ECT2L: variants seen among roughly 807,000 people sequenced by gnomAD.
ECT2L encodes epithelial cell transforming 2 like.
ECT2L carries 126 observed loss-of-function variants against 122.8 expected under a neutral mutation model. The observed-to-expected ratio is 1.03, with a 90% CI of 0.89 to 1.19. The LOEUF (loss-of-function observed/expected upper bound fraction) is 1.19. Among genes scored for constraint, ECT2L ranks in the 50% most tolerant of loss-of-function variants. The probability of loss-of-function intolerance (pLI) is 0.00; values close to 1 mark genes in which losing one functional copy is unlikely to be tolerated. For missense variants in ECT2L, 1,012 were observed against 1,064.1 expected, an observed-to-expected ratio of 0.95 and a Z score of 0.68; for synonymous variants, 385 against 381.8, an observed-to-expected ratio of 1.01 and a Z score of -0.10.
At chr6:138,808,201 G>C (rs1299013574) in intron 1 of ECT2L, among the ~76,000 whole-genome samples, 3 of 152,126 alleles carry the variant, frequency 2.0e-5, no homozygotes, top group African/African-American at 7.2e-5. Flanking sequence ...AGTATTCTAT[G>C]TGGAATACTT....
At chr6:138,809,945 CTGAAAAGATGGCAATCTATGTGATGCAG>C (rs1312667958) in intron 1 of ECT2L, among the ~76,000 whole-genome samples, 3 of 152,064 alleles carry the variant, frequency 2.0e-5, no homozygotes, top group Non-Finnish European at 4.4e-5. Flanking sequence ...TGTGGAAGAC[CTGAAAAGATGGCAATCTATGTGATGCAG>C]TGGGAAAGGT....
intron 9 of ECT2L, among the ~76,000 whole-genome samples, chr6:138,852,020 T>C (rs1176301712): frequency 6.6e-6 from 1 of 152,202 alleles, no homozygotes; most frequent in Non-Finnish European, 1.5e-5. Context: ...GGCTCATACC[T>C]GTAATCCTGG....
At position 138,822,648 on chromosome 6, in the gene ECT2L, A is replaced by G; in HGVS notation, c.179+8045A>G. On this transcript the variant is annotated intron_variant, in intron 4 of 21. Transcript: ENST00000541398. ...AATAAAAACACAAAACAGCTGGAGG[A>G]GCCAAGATGGCCGAATAGGAACAGC... 6 of 974,988 alleles carry G rather than the reference A, an allele frequency of 6.2e-6. No individual in the cohort carries two copies. In the South Asian group the frequency reaches 1.1e-4, roughly 17 times the overall value. The allele number at this position is 974,988 out of a possible 1,614,324, so 60.4% of individuals were successfully genotyped here. A position where few individuals can be genotyped will look rare whatever the true frequency, so the allele number is the denominator to read the frequency against.
At chr6:138,882,064 A>G (rs1322387363) in intron 15 of ECT2L, among the ~76,000 whole-genome samples, 2 of 152,226 alleles carry the variant, frequency 1.3e-5, no homozygotes, top group Admixed American at 6.5e-5. Flanking sequence ...CCACCAGGAC[A>G]CTTAGCTTAG....
chr6:138,855,776 C>G (rs973143957), intron 10 of ECT2L, among the ~76,000 whole-genome samples: 2 of 152,078 alleles, frequency 1.3e-5, no homozygotes, highest in African/African-American at 4.8e-5. Context: ...TCCTTTTTCT[C>G]TCCCTTTTAA....
intron 18 of ECT2L, 104 bp downstream of exon 18, chr6:138,885,934 C>T (rs1450483516): frequency 6.0e-6 from 7 of 1,172,554 alleles, no homozygotes; most frequent in East Asian, 2.4e-5. Context: ...TGGGGTTCTT[C>T]GCTTTAAAGT....
intron 10 of ECT2L, among the ~76,000 whole-genome samples, chr6:138,859,971 C>T (rs1040261326): frequency 3.9e-5 from 6 of 151,922 alleles, no homozygotes; most frequent in African/African-American, 7.3e-5. Flanking sequence ...TACAGATGCC[C>T]GCCACCATGC....
chr6:138,846,722 T>G (rs1777236077), intron 8 of ECT2L, 45 bp downstream of exon 8: 1 of 1,413,046 alleles, frequency 7.1e-7, no homozygotes, highest in East Asian at 2.5e-5. Context: ...TGTTTTTTTG[T>G]TTTTTGTTTT....
At chr6:138,892,720 T>C (rs1158172347) in intron 20 of ECT2L, among the ~76,000 whole-genome samples, 3 of 152,176 alleles carry the variant, frequency 2.0e-5, no homozygotes, top group East Asian at 3.8e-4. Flanking sequence ...CTCGAACTCC[T>C]GACCTTAGGT....
chr6:138,872,676 G>A (rs1237092042), intron 13 of ECT2L, among the ~76,000 whole-genome samples: 1 of 152,096 alleles, frequency 6.6e-6, no homozygotes, highest in Non-Finnish European at 1.5e-5. Flanking sequence ...TTTTCCCTTG[G>A]TTCACTAAAG....
At chr6:138,823,626 T>G in intron 4 of ECT2L, 1 of 1,416,750 alleles carries the variant, frequency 7.1e-7, no homozygotes, top group Non-Finnish European at 9.5e-7. Context: ...CATTGCACTC[T>G]TTCACAGCTG....
intron 4 of ECT2L, among the ~76,000 whole-genome samples, chr6:138,815,167 A>G (rs1205897161): frequency 6.6e-6 from 1 of 152,212 alleles, no homozygotes; most frequent in Admixed American, 6.5e-5. Context: ...AGTTATGCCC[A>G]GGGTCAGCTC....
chr6:138,900,300 G>A lies in ECT2L; in HGVS notation c.2415-648G>A, dbSNP rs1779355801. Among the ~76,000 whole-genome samples the A allele has an allele frequency of 4.6e-5, 7 of 151,806 alleles. No homozygotes were observed. In the South Asian group the frequency reaches 1.5e-3, roughly 32 times the overall value. On this transcript the variant is annotated intron_variant, in intron 20 of 21. Coordinates refer to ENST00000541398, the MANE Select transcript of ECT2L (RefSeq NM_001077706.3). Reference sequence around the variant, plus strand: ...CTCGCCCTGTCACCCAGGCTGGAGTGCAGTGGCGCAATCTCAACTCATTCC... The same window carrying A: ...CTCGCCCTGTCACCCAGGCTGGAGTACAGTGGCGCAATCTCAACTCATTCC...
intron 13 of ECT2L, among the ~76,000 whole-genome samples, chr6:138,875,136 T>C (rs1778396407): frequency 6.6e-6 from 1 of 152,116 alleles, no homozygotes; most frequent in Non-Finnish European, 1.5e-5. Context: ...AAGCCATAAG[T>C]ATGGATACAT....
Position 138,902,453 on chromosome 6 carries a change from ATTG to A in ECT2L, c.2588-44_2588-42del, listed in dbSNP as rs147887778. The A allele has an allele frequency of 4.0e-3, 6,246 of 1,551,244 alleles. 232 individuals are homozygous for A. The African/African-American group carries it at 0.075, about 19-fold the overall frequency. On this transcript the variant is annotated intron_variant, in intron 21 of 21. Transcript: ENST00000541398. ...AGTATTAACATTTTTTCTCATTTTG[ATTG>A]TTATCTGCAAAGATTAATTAGTATA...
chr6:138,900,844 G>A (rs1260966224), intron 20 of ECT2L, 104 bp from the exon 21 acceptor site: 1 of 1,207,804 alleles, frequency 8.3e-7, no homozygotes, highest in African/African-American at 1.5e-5. Flanking sequence ...GTCAGTAGTG[G>A]GGTAAAAGCC....
intron 20 of ECT2L, among the ~76,000 whole-genome samples, chr6:138,893,166 T>A (rs1039182810): frequency 7.0e-6 from 1 of 143,868 alleles, no homozygotes; most frequent in Non-Finnish European, 1.5e-5. Context: ...GCTTCTCAGT[T>A]TTTTTTTGTT....
At chr6:138,805,894 T>C (rs143169275) in intron 1 of ECT2L, among the ~76,000 whole-genome samples, 1 of 152,178 alleles carries the variant, frequency 6.6e-6, no homozygotes, top group Non-Finnish European at 1.5e-5. Context: ...AAGAATAGAC[T>C]CCACCTCTTG....
chr6:138,871,181 A>G (rs1324767024), intron 13 of ECT2L, among the ~76,000 whole-genome samples: 1 of 152,254 alleles, frequency 6.6e-6, no homozygotes, highest in African/African-American at 2.4e-5. Context: ...TGTCGTTCAC[A>G]TAACTGATTT....
Sources: allele counts gnomAD v4.1 joint callset (sites outside exome capture counted in the v4.1 genomes callset), GRCh38; gene constraint gnomAD v4.1.1; transcripts MANE v1.5; gene names NCBI Gene and HGNC (gene_info 2026-07-23, HGNC 2026-07-21).